Variants in ITFG1 observed in about 807,000 individuals in gnomAD.
ITFG1 encodes T-cell immunomodulatory protein.
A neutral mutation model predicts 81.8 loss-of-function variants in ITFG1; 34 were observed. The ratio of observed to expected loss-of-function variants is 0.42; its 90% CI spans 0.32 to 0.55. The LOEUF (loss-of-function observed/expected upper bound fraction) is 0.55. ITFG1 is among the 20% of genes least tolerant of loss of function. The pLI is 0.17. For missense variants in ITFG1, 672 were observed against 755.4 expected, an observed-to-expected ratio of 0.89 and a Z score of 1.29; for synonymous variants, 285 against 270.6, an observed-to-expected ratio of 1.05 and a Z score of -0.52.
chr16:47,426,992 G>A (rs969082853), intron 6 of ITFG1, among the ~76,000 whole-genome samples: 3 of 152,162 alleles, frequency 2.0e-5, no homozygotes, highest in Non-Finnish European at 4.4e-5. Flanking sequence ...TGGGAAGTGG[G>A]GGCGGAGGTG....
In ITFG1 at chr16:47,454,137, T is replaced by A; in HGVS notation, c.303A>T (p.Thr101=). ...VSFKNHSALI[T]SVVPGDYDGD... ...CATCATAATCCCCAGGGACTACACT[T>A]GTTATCAATGCACTGTGATTCCTAA... Residue 101 remains threonine (T), a synonymous_variant, in exon 3 of 18, where the codon ACA becomes ACT. Transcript: ENST00000320640. The A allele has an allele frequency of 1.2e-6, 2 of 1,606,386 alleles. No individual in the cohort carries two copies. The highest frequency in any genetic ancestry group is 8.5e-7 in the Non-Finnish European group (1 of 1,175,076).
At chr16:47,380,136 C>T (rs919875812) in intron 6 of ITFG1, among the ~76,000 whole-genome samples, 2 of 151,052 alleles carry the variant, frequency 1.3e-5, no homozygotes, top group South Asian at 2.1e-4. Context: ...AAGAAGGGAA[C>T]CCAAGAAGGT....
At chr16:47,371,621 A>T (rs145581832) in intron 7 of ITFG1, among the ~76,000 whole-genome samples, 1 of 152,230 alleles carries the variant, frequency 6.6e-6, no homozygotes, top group Non-Finnish European at 1.5e-5. Flanking sequence ...ATGAAGCAGT[A>T]TGTAATGATG....
At chr16:47,271,383 T>C (rs186641273) in intron 10 of ITFG1, among the ~76,000 whole-genome samples, 77 of 152,294 alleles carry the variant, frequency 5.1e-4, no homozygotes, top group Middle Eastern at 3.4e-3. Context: ...CATTAGCCAT[T>C]AGACAACTGC....
At chr16:47,337,137 C>CAGAAAA (rs1967716035) in intron 8 of ITFG1, among the ~76,000 whole-genome samples, 1 of 81,090 alleles carries the variant, frequency 1.2e-5, no homozygotes, top group Admixed American at 1.3e-4. Flanking sequence ...AACTCTGTCT[C>CAGAAAA]AAAAAAAAAA....
chr16:47,427,532 C>T (rs537017752), intron 6 of ITFG1, among the ~76,000 whole-genome samples: 2 of 152,264 alleles, frequency 1.3e-5, no homozygotes, highest in East Asian at 1.9e-4. Flanking sequence ...GCAGCATGCG[C>T]TTGTAGTCCC....
intron 6 of ITFG1, among the ~76,000 whole-genome samples, chr16:47,408,754 T>C (rs1968761789): frequency 6.6e-6 from 1 of 152,206 alleles, no homozygotes; most frequent in Non-Finnish European, 1.5e-5. Context: ...TTCTTTCTCA[T>C]TATTTGGGAC....
At chr16:47,318,100 C>A (rs1051029438) in intron 8 of ITFG1, among the ~76,000 whole-genome samples, 2 of 151,880 alleles carry the variant, frequency 1.3e-5, no homozygotes, top group Non-Finnish European at 2.9e-5. Flanking sequence ...TAATCAGGCA[C>A]GCAATCTTAA....
At chr16:47,295,190 G>T (rs2151556741) in intron 10 of ITFG1, among the ~76,000 whole-genome samples, 1 of 152,238 alleles carries the variant, frequency 6.6e-6, no homozygotes, top group Admixed American at 6.5e-5. Context: ...TGCATCGCTG[G>T]AATAAATCTT....
At chr16:47,456,225 T>G (rs1383150004) in intron 2 of ITFG1, among the ~76,000 whole-genome samples, 2 of 151,558 alleles carry the variant, frequency 1.3e-5, no homozygotes, top group African/African-American at 4.9e-5. Context: ...GAAAAACAAA[T>G]CTATACCAAG....
intron 6 of ITFG1, among the ~76,000 whole-genome samples, chr16:47,420,213 A>AT (rs1180415457): frequency 6.6e-6 from 1 of 152,180 alleles, no homozygotes; most frequent in African/African-American, 2.4e-5. Flanking sequence ...GCTTGATATG[A>AT]TGCCAATTTT....
At chr16:47,335,236 A>G (rs1404607545) in intron 8 of ITFG1, among the ~76,000 whole-genome samples, 1 of 152,160 alleles carries the variant, frequency 6.6e-6, no homozygotes, top group African/African-American at 2.4e-5. Context: ...GGGCACCTGT[A>G]ATCCCAGCTA....
intron 6 of ITFG1, among the ~76,000 whole-genome samples, chr16:47,397,161 T>G (rs1968604104): frequency 6.6e-6 from 1 of 152,158 alleles, no homozygotes; most frequent in African/African-American, 2.4e-5. Context: ...CACCAAAATA[T>G]GAGGCATGTG....
chr16:47,405,873 C>T (rs1968721797), intron 6 of ITFG1, among the ~76,000 whole-genome samples: 1 of 152,052 alleles, frequency 6.6e-6, no homozygotes, highest in Non-Finnish European at 1.5e-5. Context: ...GGATTAAGTC[C>T]TGGTTCTAAT....
chr16:47,219,057 G>A (rs1310211698), intron 13 of ITFG1, 111 bp from the exon 14 acceptor site: 8 of 533,608 alleles, frequency 1.5e-5, no homozygotes, highest in Non-Finnish European at 2.5e-5. Flanking sequence ...CAGTTACTTA[G>A]AGACCCCTTC....
chr16:47,300,489 A>G (rs1015125734), intron 10 of ITFG1, among the ~76,000 whole-genome samples: 1 of 152,174 alleles, frequency 6.6e-6, no homozygotes, highest in African/African-American at 2.4e-5. Flanking sequence ...CTGGGCAAAG[A>G]AAGACCTGGA....
Position 47,181,677 on chromosome 16 carries a change from A to T in ITFG1, c.1454-19013T>A, listed in dbSNP as rs573391407. Among the ~76,000 whole-genome samples the T allele has an allele frequency of 3.4e-4, 52 of 152,148 alleles. 1 individual carries two copies. Among genetic ancestry groups the T allele is most frequent in the African/African-American group, 1.2e-3 (49 of 41,518 alleles). On this transcript the variant is annotated intron_variant, in intron 14 of 17. Transcript: ENST00000320640. ...CTGCCCGGCCACCACCCCATCTGGG[A>T]GGTGTACCCAACAGCTCATTGAGAA...
intron 6 of ITFG1, among the ~76,000 whole-genome samples, chr16:47,425,411 G>A (rs528217781): frequency 5.9e-5 from 9 of 152,170 alleles, no homozygotes; most frequent in Non-Finnish European, 2.9e-5. Context: ...TGGGTAAGGC[G>A]ACACCCCACC....
intron 10 of ITFG1, among the ~76,000 whole-genome samples, chr16:47,302,593 C>T (rs1023181923): frequency 2.6e-5 from 4 of 152,044 alleles, no homozygotes; most frequent in Non-Finnish European, 5.9e-5. Flanking sequence ...ACAATTTAAA[C>T]GTTGTAAAAA....
Sources: allele counts gnomAD v4.1 joint callset (sites outside exome capture counted in the v4.1 genomes callset), GRCh38; gene constraint gnomAD v4.1.1; transcripts MANE v1.5; gene names NCBI Gene and HGNC (gene_info 2026-07-23, HGNC 2026-07-21).